DCHS2: variants seen among roughly 807,000 people sequenced by gnomAD.
DCHS2 encodes dachsous cadherin-related 2.
In DCHS2, 142 loss-of-function variants were observed where a neutral mutation model predicts 182.4. That is an observed-to-expected ratio of 0.78 (90% CI 0.68 to 0.89). The LOEUF (loss-of-function observed/expected upper bound fraction) is 0.89. Ranked by LOEUF, DCHS2 falls within the 40% of genes least tolerant of loss-of-function variation. DCHS2 has a pLI of 0.00. For synonymous variants in DCHS2, 1,740 were observed against 1,663.3 expected (o/e 1.05, Z -1.12); for missense variants, 4,319 against 4,198.6 (o/e 1.03, Z -0.79).
intron 13 of DCHS2, among the ~76,000 whole-genome samples, chr4:154,279,229 T>C (rs1224796075): frequency 2.0e-5 from 3 of 151,538 alleles, no homozygotes; most frequent in South Asian, 2.1e-4. Flanking sequence ...AAAATATGTA[T>C]AGAAGAAACA....
chr4:154,266,244 A>G (rs1733248813), intron 14 of DCHS2, among the ~76,000 whole-genome samples: 1 of 152,186 alleles, frequency 6.6e-6, no homozygotes, highest in South Asian at 2.1e-4. Flanking sequence ...GTCCTGGATC[A>G]ACGAGCCACG....
chr4:154,421,344 C>T (rs1733100856), intron 1 of DCHS2, among the ~76,000 whole-genome samples: 1 of 151,988 alleles, frequency 6.6e-6, no homozygotes, highest in African/African-American at 2.4e-5. Context: ...CTGAAAGTTT[C>T]CTCTCTTTAT....
At chr4:154,272,100 A>G (rs1180831109) in intron 13 of DCHS2, 1 of 152,208 alleles carries the variant, frequency 6.6e-6, no homozygotes, top group East Asian at 1.9e-4. Context: ...ATAAAAATTC[A>G]TACAATTGTT....
chr4:154,477,166 G>C (rs1055495371), intron 1 of DCHS2, among the ~76,000 whole-genome samples: 1 of 152,202 alleles, frequency 6.6e-6, no homozygotes, highest in Non-Finnish European at 1.5e-5. Context: ...CAGCACGGTT[G>C]GGTTCTGGTG....
chr4:154,469,443 C>T (rs912880241), intron 1 of DCHS2, among the ~76,000 whole-genome samples: 1 of 152,056 alleles, frequency 6.6e-6, no homozygotes, highest in African/African-American at 2.4e-5. Context: ...CATATTAAGA[C>T]CTGAAAGGAA....
intron 13 of DCHS2, among the ~76,000 whole-genome samples, chr4:154,287,041 G>A (rs1734436456): frequency 6.6e-6 from 1 of 152,136 alleles, no homozygotes; most frequent in Non-Finnish European, 1.5e-5. Context: ...GGAAAAGAGA[G>A]GGTGGCATGA....
At chr4:154,424,891 C>G (rs566240460) in intron 1 of DCHS2, among the ~76,000 whole-genome samples, 1 of 152,172 alleles carries the variant, frequency 6.6e-6, no homozygotes, top group Non-Finnish European at 1.5e-5. Context: ...GAGACCCTTC[C>G]CATGATAATG....
Position 154,236,788 on chromosome 4 carries a change from T to C in DCHS2, c.7864A>G (p.Ser2622Gly). The change falls in exon 20 of 20, where the codon AGT becomes GGT. Residue 2622 changes from serine to glycine, a missense_variant. Transcript: ENST00000357232. ...CTAGCACTTGCTTCTCTGTCCAGACTGTGAAGCAACACAAGATAACCGACT... is the reference window on the plus strand; with the variant it reads ...CTAGCACTTGCTTCTCTGTCCAGACCGTGAAGCAACACAAGATAACCGACT... Reference protein sequence around the residue: ...KQVGYLVLLHSLDREASASHE... With the variant: ...KQVGYLVLLHGLDREASASHE... 1 of 1,614,036 alleles carries C rather than the reference T, an allele frequency of 6.2e-7. No homozygotes were observed. The highest frequency in any genetic ancestry group is 8.5e-7 in the Non-Finnish European group (1 of 1,179,962).
intron 2 of DCHS2, chr4:154,373,860 A>T: frequency 7.2e-7 from 1 of 1,389,926 alleles, no homozygotes; most frequent in Non-Finnish European, 1.0e-6. Context: ...AGCTCTGACA[A>T]CCCATTTCCA....
At chr4:154,328,297 A>G in intron 6 of DCHS2, 105 bp from the exon 7 acceptor site, 1 of 729,384 alleles carries the variant, frequency 1.4e-6, no homozygotes, top group South Asian at 2.6e-5. Flanking sequence ...ATTTTAAACT[A>G]TCTTAAAATC....
intron 14 of DCHS2, among the ~76,000 whole-genome samples, chr4:154,264,953 G>A (rs1159811454): frequency 6.6e-6 from 1 of 152,178 alleles, no homozygotes; most frequent in African/African-American, 2.4e-5. Flanking sequence ...TTCGAGATCA[G>A]TAATTGCAAA....
At chr4:154,482,421 C>T (rs1162734391) in intron 1 of DCHS2, among the ~76,000 whole-genome samples, 1 of 152,102 alleles carries the variant, frequency 6.6e-6, no homozygotes, top group Non-Finnish European at 1.5e-5. Context: ...GTACTGAGTC[C>T]ATCGTCAAGA....
Position 154,234,710 on chromosome 4 carries a change from G to A in DCHS2, c.9942C>T (p.Pro3314=). 3 of 1,614,072 alleles carry A rather than the reference G, an allele frequency of 1.9e-6. No individual in the cohort carries two copies. The highest frequency in any genetic ancestry group is 2.5e-6 in the Non-Finnish European group (3 of 1,179,960). The change falls in exon 20 of 20, where the codon CCC becomes CCT. Residue 3314 remains proline, a synonymous_variant. Transcript: ENST00000357232. ...VPPKHPRSPI[P]YHLGSLPEGM... is the part of the protein sequence containing the mutation. ...CTTCTGGCAGAGAACCAAGATGGTA[G>A]GGGATGGGAGAGCGTGGGTGTTTCG...
At chr4:154,272,273 C>A (rs201506814) in intron 13 of DCHS2, 1 of 4,534 alleles carries the variant, frequency 2.2e-4, no homozygotes, top group Non-Finnish European at 3.2e-3. Context: ...CTGATCAAGG[C>A]CTAAATACCT....
Position 154,332,649 on chromosome 4 carries a change from T to A in DCHS2, c.3559A>T (p.Asn1187Tyr). Residue 1187 changes from asparagine to tyrosine, a missense_variant, in exon 5 of 20, where the codon AAT (asparagine) becomes TAT (tyrosine). Asn to Tyr is a moderately radical substitution (Grantham distance 143). Coordinates refer to ENST00000357232, the MANE Select transcript of DCHS2 (RefSeq NM_001358235.2). ...VIVRVWDEND[N>Y]SPTFLHDVLF... is the part of the protein sequence containing the mutation. ...ACATCATGCAAGAAGGTGGGGGAATTGTCATTCTCATCCCAGACACGAACA... is the reference window on the plus strand; with the variant it reads ...ACATCATGCAAGAAGGTGGGGGAATAGTCATTCTCATCCCAGACACGAACA... The A allele has an allele frequency of 6.2e-7, 1 of 1,614,224 alleles. No individual in the cohort carries two copies. Among genetic ancestry groups the A allele is most frequent in the Non-Finnish European group, 8.5e-7 (1 of 1,180,040 alleles).
At chr4:154,434,643 C>G (rs187620582) in intron 1 of DCHS2, among the ~76,000 whole-genome samples, 2 of 152,054 alleles carry the variant, frequency 1.3e-5, no homozygotes, top group East Asian at 3.9e-4. Flanking sequence ...TATATGTATT[C>G]TGTGTACTCT....
At chr4:154,416,020 G>A (rs1431437166) in intron 1 of DCHS2, among the ~76,000 whole-genome samples, 1 of 151,754 alleles carries the variant, frequency 6.6e-6, no homozygotes, top group African/African-American at 2.4e-5. Flanking sequence ...CTTGCACGTG[G>A]TTTATAAGGA....
chr4:154,432,511 C>T (rs1345068077), intron 1 of DCHS2, among the ~76,000 whole-genome samples: 4 of 152,090 alleles, frequency 2.6e-5, no homozygotes, highest in East Asian at 1.9e-4. Context: ...AAAGGTCTTA[C>T]ATTGTTCAGT....
Position 154,400,356 on chromosome 4 carries a change from A to T in DCHS2, c.2053-22912T>A, listed in dbSNP as rs142494495. 3.1e-3 allele frequency among the ~76,000 whole-genome samples: 451 copies of T among 146,658 alleles called. 4 individuals are homozygous for T. Among genetic ancestry groups the T allele is most frequent in the African/African-American group, 0.011 (428 of 40,554 alleles). ...CAAGACTAGCCCTTATTGTTTGATG[A>T]TATAAGGACCCCTGCAGAATGTCTT... On this transcript the variant is annotated intron_variant, in intron 1 of 19. Coordinates refer to ENST00000357232, the MANE Select transcript of DCHS2 (RefSeq NM_001358235.2).
Sources: gnomAD v4.1 joint callset for allele counts (sites outside exome capture counted in the v4.1 genomes callset) on GRCh38, gnomAD v4.1.1 for gene constraint, MANE v1.5 for transcripts, NCBI Gene and HGNC (gene_info 2026-07-23, HGNC 2026-07-21) for gene names.